The following NAALADL2 variants were observed in gnomAD, a reference collection of about 807,000 sequenced individuals.
The protein encoded by NAALADL2 is inactive N-acetylated-alpha-linked acidic dipeptidase-like protein 2.
Under a neutral mutation model 87.2 loss-of-function variants are expected in NAALADL2, and 76 were observed. That is an observed-to-expected ratio of 0.87 (90% CI 0.72 to 1.05). NAALADL2 has a LOEUF of 1.05. Ranked by LOEUF, NAALADL2 falls within the 50% of genes least tolerant of loss-of-function variation. The pLI is 0.00. For missense variants in NAALADL2, 1,089 were observed against 945.8 expected (o/e 1.15, Z -1.99); for synonymous variants, 354 against 331.0 (o/e 1.07, Z -0.75).
chr3:175,174,843 GACAC>G (rs139298739), intron 2 of NAALADL2, among the ~76,000 whole-genome samples: 20 of 150,660 alleles, frequency 1.3e-4, no homozygotes, highest in East Asian at 2.0e-4. Flanking sequence ...CATGCACACA[GACAC>G]ACACACACAC....
chr3:174,673,637 T>G (rs2108807848), intron 2 of NAALADL2, among the ~76,000 whole-genome samples: 1 of 113,356 alleles, frequency 8.8e-6, no homozygotes, highest in East Asian at 3.0e-4. Context: ...TACCAAAGGC[T>G]GGGAAGGGGG....
chr3:175,561,244 T>G (rs1294281688), intron 9 of NAALADL2, among the ~76,000 whole-genome samples: 1 of 152,174 alleles, frequency 6.6e-6, no homozygotes, highest in Non-Finnish European at 1.5e-5. Context: ...ATATACCCTA[T>G]GCACATCCTT....
intron 3 of NAALADL2, among the ~76,000 whole-genome samples, chr3:174,850,732 A>G (rs1163212224): frequency 6.6e-6 from 1 of 152,128 alleles, no homozygotes; most frequent in East Asian, 1.9e-4. Context: ...CAACAAATCA[A>G]CATGGAACCT....
chr3:175,429,108 G>C lies in NAALADL2; in HGVS notation c.1091-18121G>C, dbSNP rs1717299188. Among the ~76,000 whole-genome samples, 3 of 150,852 alleles carry C rather than the reference G, an allele frequency of 2.0e-5. No individual in the cohort carries two copies. In the South Asian group the frequency reaches 6.3e-4, roughly 32 times the overall value. On this transcript the variant is annotated intron_variant, in intron 5 of 13. Coordinates refer to ENST00000454872, the MANE Select transcript of NAALADL2 (RefSeq NM_207015.3). ...ACTTTATCTGTATTGTGTTGTTTTA[G>C]AATAAAAGTATATATTAAAATGTTA...
intron 1 of NAALADL2, among the ~76,000 whole-genome samples, chr3:174,496,363 T>C (rs1718535699): frequency 6.6e-6 from 1 of 152,068 alleles, no homozygotes; most frequent in African/African-American, 2.4e-5. Flanking sequence ...ATTTCTTAGA[T>C]ACTTTTGTGG....
intron 1 of NAALADL2, among the ~76,000 whole-genome samples, chr3:174,916,830 A>G (rs1371514584): frequency 6.6e-6 from 1 of 152,216 alleles, no homozygotes; most frequent in Non-Finnish European, 1.5e-5. Flanking sequence ...TATCCATGTA[A>G]CCAGAAACTA....
chr3:175,200,218 G>A (rs1739820607), intron 2 of NAALADL2, among the ~76,000 whole-genome samples: 1 of 151,976 alleles, frequency 6.6e-6, no homozygotes, highest in African/African-American at 2.4e-5. Context: ...AAAAGGGTAT[G>A]CCTCTAGTGG....
intron 1 of NAALADL2, among the ~76,000 whole-genome samples, chr3:174,460,834 A>G (rs887460596): frequency 6.6e-6 from 1 of 152,018 alleles, no homozygotes; most frequent in African/African-American, 2.4e-5. Flanking sequence ...TTCCTCTTCA[A>G]TTGAGTAAGC....
intron 3 of NAALADL2, among the ~76,000 whole-genome samples, chr3:174,791,225 C>T (rs1420182011): frequency 6.6e-6 from 1 of 152,180 alleles, no homozygotes; most frequent in African/African-American, 2.4e-5. Context: ...ATGCTGTGGG[C>T]CACATTCTTT....
chr3:175,266,277 C>A (rs942009248), intron 4 of NAALADL2, among the ~76,000 whole-genome samples: 2 of 150,900 alleles, frequency 1.3e-5, no homozygotes, highest in African/African-American at 4.8e-5. Flanking sequence ...TTTTAATCAT[C>A]TAATATTTAA....
intron 1 of NAALADL2, among the ~76,000 whole-genome samples, chr3:174,929,686 G>A (rs34122471): frequency 0.018 from 2,794 of 152,156 alleles, 34 homozygotes; most frequent in Non-Finnish European, 0.03. Flanking sequence ...TACACCGTTG[G>A]ACTATGTATA....
At chr3:174,732,143 A>G (rs1231599904) in intron 2 of NAALADL2, among the ~76,000 whole-genome samples, 1 of 152,138 alleles carries the variant, frequency 6.6e-6, no homozygotes, top group Non-Finnish European at 1.5e-5. Flanking sequence ...TATCTTATAT[A>G]TTAACTAGCA....
At position 175,165,568 on chromosome 3, in the gene NAALADL2, G is replaced by A. The variant is rs1005939729; in HGVS notation, c.545+68277G>A. ...TGGAAAAAAAATATAATGGTGGTAAGACCATAACAGAAATTCATGTAAAAT... is the reference window on the plus strand; with the variant it reads ...TGGAAAAAAAATATAATGGTGGTAAAACCATAACAGAAATTCATGTAAAAT... On this transcript the variant is annotated intron_variant, in intron 2 of 13. Coordinates refer to ENST00000454872, the MANE Select transcript of NAALADL2 (RefSeq NM_207015.3). Among the ~76,000 whole-genome samples, 4 of 152,134 alleles carry A rather than the reference G, an allele frequency of 2.6e-5. No homozygotes were observed. The East Asian group carries it at 7.7e-4, about 29-fold the overall frequency.
chr3:175,517,416 A>G (rs1472372783), intron 9 of NAALADL2, among the ~76,000 whole-genome samples: 1 of 152,170 alleles, frequency 6.6e-6, no homozygotes, highest in Non-Finnish European at 1.5e-5. Context: ...AATTTAGAAA[A>G]TATTTTTTCT....
chr3:174,947,675 C>A lies in NAALADL2; in HGVS notation c.43+88225C>A, dbSNP rs539265480. ...AAATCTTTTATTTTTTTTCTTTGGTCTTCTAGTATACAGGTTTTAAAAAAA... is the reference window on the plus strand; with the variant it reads ...AAATCTTTTATTTTTTTTCTTTGGTATTCTAGTATACAGGTTTTAAAAAAA... On this transcript the variant is annotated intron_variant, in intron 1 of 13. Coordinates refer to ENST00000454872, the MANE Select transcript of NAALADL2 (RefSeq NM_207015.3). Among the ~76,000 whole-genome samples the A allele has an allele frequency of 8.6e-5, 13 of 151,312 alleles. No individual in the cohort carries two copies. The South Asian group carries it at 2.7e-3, about 32-fold the overall frequency.
At chr3:174,707,626 T>C (rs956499103) in intron 2 of NAALADL2, among the ~76,000 whole-genome samples, 1 of 116,784 alleles carries the variant, frequency 8.6e-6, no homozygotes, top group Non-Finnish European at 1.7e-5. Flanking sequence ...AAGGGGAACA[T>C]CACACACTGG....
At chr3:174,713,556 G>A (rs1208087783) in intron 2 of NAALADL2, among the ~76,000 whole-genome samples, 2 of 152,214 alleles carry the variant, frequency 1.3e-5, no homozygotes, top group African/African-American at 4.8e-5. Context: ...GATGGCCAGT[G>A]ATGATGAGTA....
intron 9 of NAALADL2, among the ~76,000 whole-genome samples, chr3:175,504,658 A>G (rs1256693653): frequency 6.6e-6 from 1 of 151,160 alleles, no homozygotes; most frequent in East Asian, 1.9e-4. Context: ...CAGGCCAGCA[A>G]GAGACCCTTC....
intron 10 of NAALADL2, among the ~76,000 whole-genome samples, chr3:175,581,441 CTAAA>C (rs527842723): frequency 1.3e-5 from 2 of 151,998 alleles, no homozygotes; most frequent in Non-Finnish European, 2.9e-5. Context: ...GACTCTGTCT[CTAAA>C]TAAATAAATA....
Sources: allele counts gnomAD v4.1 joint callset (sites outside exome capture counted in the v4.1 genomes callset), GRCh38; gene constraint gnomAD v4.1.1; transcripts MANE v1.5; gene names NCBI Gene and HGNC (gene_info 2026-07-23, HGNC 2026-07-21).